Variants in RSRC1 observed in about 807,000 individuals in gnomAD.
RSRC1 encodes the protein serine/Arginine-related protein 53.
In RSRC1, 39 loss-of-function variants were observed where a neutral mutation model predicts 49.1. The ratio of observed to expected loss-of-function variants is 0.79; its 90% confidence interval spans 0.61 to 1.04. The LOEUF is 1.04. RSRC1 is among the 50% of genes least tolerant of loss of function. The pLI is 0.00. For synonymous variants in RSRC1, 143 were observed against 130.8 expected, an observed-to-expected ratio of 1.09 and a Z score of -0.63; for missense variants, 388 against 402.4, an observed-to-expected ratio of 0.96 and a Z score of 0.31.
At chr3:158,228,370 T>C (rs905503705) in intron 4 of RSRC1, among the ~76,000 whole-genome samples, 7 of 152,024 alleles carry the variant, frequency 4.6e-5, no homozygotes, top group Admixed American at 3.9e-4. Flanking sequence ...CCTTAGATAT[T>C]TGTTAATTGA....
At chr3:158,231,690 A>C (rs1722969358) in intron 4 of RSRC1, among the ~76,000 whole-genome samples, 1 of 152,124 alleles carries the variant, frequency 6.6e-6, no homozygotes. Context: ...CAAAGCAACA[A>C]GCAGTAATAT....
chr3:158,449,490 C>T (rs920768446), intron 6 of RSRC1, among the ~76,000 whole-genome samples: 1 of 151,890 alleles, frequency 6.6e-6, no homozygotes, highest in Non-Finnish European at 1.5e-5. Flanking sequence ...TAGTGGCTCT[C>T]CATGAGGGAG....
At chr3:158,204,885 G>A (rs916234725) in intron 4 of RSRC1, among the ~76,000 whole-genome samples, 2 of 151,940 alleles carry the variant, frequency 1.3e-5, no homozygotes, top group Non-Finnish European at 2.9e-5. Flanking sequence ...ATTATATGGG[G>A]AATTTTAAAG....
intron 6 of RSRC1, among the ~76,000 whole-genome samples, chr3:158,457,740 G>GTTTTTTTTT (rs762873924): frequency 1.3e-5 from 1 of 78,780 alleles, no homozygotes; most frequent in Non-Finnish European, 2.7e-5. Context: ...GTTTTTTTTT[G>GTTTTTTTTT]TTTTTTTTTT....
At chr3:158,357,668 A>G (rs907465076) in intron 6 of RSRC1, among the ~76,000 whole-genome samples, 1 of 152,176 alleles carries the variant, frequency 6.6e-6, no homozygotes, top group South Asian at 2.1e-4. Flanking sequence ...ATAAATAAGA[A>G]GAACTTGAGA....
chr3:158,229,546 T>G (rs1722835046), intron 4 of RSRC1, among the ~76,000 whole-genome samples: 1 of 150,968 alleles, frequency 6.6e-6, no homozygotes, highest in African/African-American at 2.4e-5. Flanking sequence ...GTTTTTTGTT[T>G]TTTTTTTTTA....
intron 7 of RSRC1, among the ~76,000 whole-genome samples, chr3:158,506,421 A>C (rs983878183): frequency 6.6e-6 from 1 of 152,060 alleles, no homozygotes; most frequent in African/African-American, 2.4e-5. Context: ...AATTATAATA[A>C]ATTTAAAAAG....
chr3:158,284,970 T>C (rs1424255038), intron 4 of RSRC1, among the ~76,000 whole-genome samples: 1 of 152,240 alleles, frequency 6.6e-6, no homozygotes, highest in African/African-American at 2.4e-5. Context: ...TCCTTACTCA[T>C]GCCTATGTCC....
intron 4 of RSRC1, among the ~76,000 whole-genome samples, chr3:158,284,214 A>C (rs939219843): frequency 8.6e-5 from 13 of 151,888 alleles, no homozygotes; most frequent in African/African-American, 3.1e-4. Flanking sequence ...CCTACAAAGG[A>C]CATGAACTCA....
At chr3:158,423,552 C>T (rs1043771596) in intron 6 of RSRC1, among the ~76,000 whole-genome samples, 4 of 152,204 alleles carry the variant, frequency 2.6e-5, no homozygotes, top group East Asian at 1.9e-4. Flanking sequence ...ATTGACTTGG[C>T]GATGCGGGCT....
chr3:158,347,214 A>T (rs1166227495), intron 5 of RSRC1, among the ~76,000 whole-genome samples: 1 of 152,318 alleles, frequency 6.6e-6, no homozygotes, highest in East Asian at 1.9e-4. Context: ...CAGGAACTAT[A>T]TCTTTTCATC....
chr3:158,147,526 A>G (rs1411644355), intron 3 of RSRC1, among the ~76,000 whole-genome samples: 5 of 136,486 alleles, frequency 3.7e-5, no homozygotes, highest in Non-Finnish European at 7.9e-5. Flanking sequence ...TTTTTTTTTT[A>G]TTTTTCAAAA....
At chr3:158,182,870 C>T (rs568093792) in intron 3 of RSRC1, among the ~76,000 whole-genome samples, 1 of 152,032 alleles carries the variant, frequency 6.6e-6, no homozygotes, top group African/African-American at 2.4e-5. Flanking sequence ...TACTTGGGAC[C>T]TTTATGAATA....
At chr3:158,204,761 T>G (rs565179734) in intron 4 of RSRC1, among the ~76,000 whole-genome samples, 3 of 152,202 alleles carry the variant, frequency 2.0e-5, no homozygotes, top group Non-Finnish European at 4.4e-5. Flanking sequence ...TACATGGCTG[T>G]GGAAGAAAGC....
At chr3:158,488,056 A>G (rs573208962) in intron 7 of RSRC1, among the ~76,000 whole-genome samples, 18 of 151,928 alleles carry the variant, frequency 1.2e-4, no homozygotes, top group African/African-American at 4.1e-4. Context: ...CTGCCACACA[A>G]ATATTCTTGA....
chr3:158,352,769 G>T (rs1350938991), intron 5 of RSRC1, among the ~76,000 whole-genome samples: 2 of 152,084 alleles, frequency 1.3e-5, no homozygotes, highest in African/African-American at 2.4e-5. Flanking sequence ...GTTGGTGCTG[G>T]GTGTCAGCTG....
intron 3 of RSRC1, among the ~76,000 whole-genome samples, chr3:158,140,918 A>T (rs1441405165): frequency 1.3e-5 from 2 of 152,202 alleles, no homozygotes; most frequent in Non-Finnish European, 2.9e-5. Flanking sequence ...ACTCTCCTGT[A>T]ATCAAGCTTG....
chr3:158,423,160 G>A (rs977923396), intron 6 of RSRC1, among the ~76,000 whole-genome samples: 2 of 152,028 alleles, frequency 1.3e-5, no homozygotes, highest in African/African-American at 4.8e-5. Context: ...CCATGCCTAT[G>A]TCCTGAATGG....
At chr3:158,177,197 G>A (rs1159940521) in intron 3 of RSRC1, among the ~76,000 whole-genome samples, 1 of 152,190 alleles carries the variant, frequency 6.6e-6, no homozygotes, top group Non-Finnish European at 1.5e-5. Context: ...GTTGGTGGGA[G>A]TGCAAATTAG....
Sources: gnomAD v4.1 joint callset for allele counts (sites outside exome capture counted in the v4.1 genomes callset) on GRCh38, gnomAD v4.1.1 for gene constraint, MANE v1.5 for transcripts, NCBI Gene and HGNC (gene_info 2026-07-23, HGNC 2026-07-21) for gene names.